The following RLF variants were observed in gnomAD, a reference collection of about 807,000 sequenced individuals.
RLF encodes the protein zinc finger protein Rlf.
RLF carries 7 observed loss-of-function variants against 162.9 expected under a neutral mutation model. The ratio of observed to expected loss-of-function variants is 0.04; its 90% CI spans 0.02 to 0.08. The LOEUF is 0.08. Among genes scored for constraint, RLF ranks in the 10% least tolerant of loss-of-function variants. RLF has a pLI of 1.00. For synonymous variants in RLF, 782 were observed against 791.5 expected, an observed-to-expected ratio of 0.99 and a Z score of 0.20; for missense variants, 1,664 against 2,244.7, an observed-to-expected ratio of 0.74 and a Z score of 5.23.
rs1315568315 is a variant in RLF, at chr1:40,222,719, A to T, written c.947+9A>T. The T allele has an allele frequency of 6.2e-7, 1 of 1,610,794 alleles. No individual in the cohort carries two copies. The highest frequency in any genetic ancestry group is 2.2e-5 in the East Asian group (1 of 44,798). ...AGTGTATATTGTTCTTGGTAAGTAT[A>T]TTTAGTTTTACACTCTTTATTTGTT... On this transcript the variant is annotated intron_variant, in intron 6 of 7. Coordinates refer to ENST00000372771, the MANE Select transcript of RLF (RefSeq NM_012421.4).
intron 1 of RLF, among the ~76,000 whole-genome samples, chr1:40,179,791 A>C (rs770988262): frequency 2.6e-5 from 4 of 152,002 alleles, no homozygotes; most frequent in Non-Finnish European, 4.4e-5. Flanking sequence ...TCATTCTACT[A>C]TCTGTCTCTA....
chr1:40,203,545 A>T (rs1236863916), intron 5 of RLF, among the ~76,000 whole-genome samples: 1 of 150,010 alleles, frequency 6.7e-6, no homozygotes, highest in Non-Finnish European at 1.5e-5. Context: ...CTCCATCTCA[A>T]AAAAACAACA....
chr1:40,206,109 C>A (rs1249407476), intron 5 of RLF, among the ~76,000 whole-genome samples: 3 of 152,210 alleles, frequency 2.0e-5, no homozygotes, highest in Non-Finnish European at 4.4e-5. Context: ...TAATTACCAT[C>A]TCTACTTACA....
intron 6 of RLF, among the ~76,000 whole-genome samples, chr1:40,227,768 G>A (rs1195496499): frequency 6.6e-6 from 1 of 152,152 alleles, no homozygotes; most frequent in Admixed American, 6.6e-5. Flanking sequence ...AGTTTGGGAG[G>A]CCAGGGCAGG....
intron 6 of RLF, among the ~76,000 whole-genome samples, chr1:40,224,459 T>C (rs1643036991): frequency 6.6e-6 from 1 of 150,854 alleles, no homozygotes; most frequent in Admixed American, 6.6e-5. Flanking sequence ...GTATTTTTGG[T>C]AGAGACTGGG....
intron 6 of RLF, among the ~76,000 whole-genome samples, chr1:40,225,889 A>AG: frequency 6.7e-6 from 1 of 149,372 alleles, no homozygotes; most frequent in South Asian, 2.1e-4. Flanking sequence ...AAAAAAAAAA[A>AG]AAAAAAAAAA....
intron 5 of RLF, among the ~76,000 whole-genome samples, chr1:40,212,136 G>A (rs914805555): frequency 4.6e-5 from 7 of 152,252 alleles, no homozygotes; most frequent in African/African-American, 1.7e-4. Flanking sequence ...GTTAACTTGA[G>A]CAACAGCTGG....
intron 3 of RLF, 132 bp from the exon 4 acceptor site, chr1:40,195,500 C>T: frequency 1.5e-6 from 1 of 671,732 alleles, no homozygotes; most frequent in Non-Finnish European, 2.4e-6. Context: ...TGAGTATAGT[C>T]TTTTTTGGTT....
chr1:40,201,188 A>G (rs905720078), intron 4 of RLF, among the ~76,000 whole-genome samples: 22 of 149,762 alleles, frequency 1.5e-4, no homozygotes, highest in African/African-American at 5.4e-4. Context: ...GGCACTTTCA[A>G]GTCTGAGAGA....
At chr1:40,194,974 T>C (rs1642611886) in intron 3 of RLF, among the ~76,000 whole-genome samples, 1 of 148,202 alleles carries the variant, frequency 6.7e-6, no homozygotes, top group African/African-American at 2.4e-5. Flanking sequence ...GCTGGAACTA[T>C]AGGTGGGTGC....
chr1:40,194,979 G>A (rs1642611944), intron 3 of RLF, among the ~76,000 whole-genome samples: 1 of 144,716 alleles, frequency 6.9e-6, no homozygotes, highest in Admixed American at 7.2e-5. Context: ...AACTATAGGT[G>A]GGTGCCACCA....
chr1:40,186,131 C>T (rs1642476884), intron 1 of RLF, among the ~76,000 whole-genome samples: 1 of 151,434 alleles, frequency 6.6e-6, no homozygotes, highest in Admixed American at 6.6e-5. Flanking sequence ...GCACCCCAAC[C>T]TGGGTGACAG....
intron 4 of RLF, among the ~76,000 whole-genome samples, chr1:40,198,289 C>T (rs900835261): frequency 7.0e-6 from 1 of 142,150 alleles, no homozygotes; most frequent in African/African-American, 2.6e-5. Flanking sequence ...TGTGAGCCAC[C>T]GCGCCCGGCC....
At chr1:40,182,306 C>T (rs1570523877) in intron 1 of RLF, among the ~76,000 whole-genome samples, 1 of 151,964 alleles carries the variant, frequency 6.6e-6, no homozygotes, top group South Asian at 2.1e-4. Context: ...TGGTGGCGGG[C>T]GCCTGTAATC....
chr1:40,183,574 G>A (rs773067179), intron 1 of RLF, among the ~76,000 whole-genome samples: 13 of 152,028 alleles, frequency 8.6e-5, no homozygotes, highest in Non-Finnish European at 1.3e-4. Flanking sequence ...GGGGTGAGGG[G>A]GCAGAATTTA....
Position 40,161,733 on chromosome 1 carries a change from C to G in RLF, c.237+97C>G. 2.7e-6 allele frequency: 4 copies of G among 1,478,786 alleles called. No individual in the cohort carries two copies. The highest frequency in any genetic ancestry group is 3.6e-6 in the Non-Finnish European group (4 of 1,118,190). 91.6% of individuals were successfully genotyped at this position (1,478,786 alleles called of 1,614,324 possible). On this transcript the variant is annotated intron_variant, in intron 1 of 7. Transcript: ENST00000372771. This position sits in a 1 kb window ranked among gnomAD's most constrained non-coding sequence, Gnocchi z 4.4. ...AAGCAGCCGGGTCCAAACTGAAAGG[C>G]GCCACCTCCGTGACTCGCCGCGCCC...
intron 5 of RLF, among the ~76,000 whole-genome samples, chr1:40,211,862 C>T (rs1384595827): frequency 3.3e-5 from 5 of 152,140 alleles, no homozygotes; most frequent in Non-Finnish European, 5.9e-5. Context: ...TCCTGACCTC[C>T]TGTTATCCGC....
Position 40,238,284 on chromosome 1 carries a change from A to G in RLF, c.3582A>G (p.Lys1194=), listed in dbSNP as rs1028030035. Residue 1194 remains lysine (K), a synonymous_variant, in exon 8 of 8, where the codon AAA becomes AAG. Transcript: ENST00000372771. This position sits in a 1 kb window ranked among gnomAD's most constrained non-coding sequence, Gnocchi z 5.2. ...KTHLRIHYKN[K]HQIGSDRATH... ...ACCTTAGGATTCATTATAAAAATAA[A>G]CATCAAATTGGCAGTGACAGAGCAA... 6.2e-7 allele frequency: 1 copy of G among 1,614,120 alleles called. No homozygotes were observed. Among genetic ancestry groups the G allele is most frequent in the East Asian group, 2.2e-5 (1 of 44,882 alleles).
In RLF at chr1:40,236,670, A is replaced by G. The variant is rs35901302; in HGVS notation, c.1968A>G (p.Thr656=). The G allele has an allele frequency of 7.2e-3, 11,635 of 1,614,116 alleles. 44 individuals are homozygous for G. Among genetic ancestry groups the G allele is most frequent in the Non-Finnish European group, 8.3e-3 (9,833 of 1,180,014 alleles). ...AAGGAGAGTCTCATGAATATGTCAC[A>G]TTCAGCAAATTAGAAGATTGCCACC... ...QAKGESHEYV[T]FSKLEDCHLQ... is the part of the protein sequence containing the mutation. Residue 656 remains threonine, a synonymous_variant, in exon 8 of 8, where the codon ACA becomes ACG. Coordinates refer to ENST00000372771, the MANE Select transcript of RLF (RefSeq NM_012421.4). The surrounding 1 kb of genome is among the most constrained non-coding windows in gnomAD (Gnocchi z 7.7).
Sources: allele counts gnomAD v4.1 joint callset (sites outside exome capture counted in the v4.1 genomes callset), GRCh38; gene constraint gnomAD v4.1.1; non-coding constraint Gnocchi (gnomAD v3.1); transcripts MANE v1.5; gene names NCBI Gene and HGNC (gene_info 2026-07-23, HGNC 2026-07-21).